The following PRICKLE2 variants were observed in gnomAD, a reference collection of about 807,000 sequenced individuals.
PRICKLE2 encodes the protein prickle-like protein 2.
Under a neutral mutation model 81.4 loss-of-function variants are expected in PRICKLE2, and 21 were observed. That is an observed-to-expected ratio of 0.26 (90% CI 0.18 to 0.37). PRICKLE2 has a LOEUF of 0.37. Ranked by LOEUF, PRICKLE2 falls within the 10% of genes least tolerant of loss-of-function variation. PRICKLE2 has a pLI of 1.00. For missense variants in PRICKLE2, 940 were observed against 1,109.0 expected, an observed-to-expected ratio of 0.85 and a Z score of 2.16; for synonymous variants, 456 against 421.5, an observed-to-expected ratio of 1.08 and a Z score of -1.00.
intron 7 of PRICKLE2, among the ~76,000 whole-genome samples, chr3:64,114,057 A>G (rs2076894427): frequency 6.6e-6 from 1 of 152,184 alleles, no homozygotes; most frequent in South Asian, 2.1e-4. Flanking sequence ...CTGGGGCCCA[A>G]TACAAGTCCC....
chr3:64,215,679 C>T (rs776123852), intron 1 of PRICKLE2, among the ~76,000 whole-genome samples: 1 of 152,030 alleles, frequency 6.6e-6, no homozygotes, highest in Non-Finnish European at 1.5e-5. Flanking sequence ...AACTACATGA[C>T]GAGTAGTGTT....
At chr3:64,177,125 C>T (rs1255444337) in intron 2 of PRICKLE2, among the ~76,000 whole-genome samples, 18 of 70,842 alleles carry the variant, frequency 2.5e-4, no homozygotes, top group Admixed American at 8.2e-4. Flanking sequence ...CCATTTTAAC[C>T]TTTTTTTTTT....
intron 2 of PRICKLE2, among the ~76,000 whole-genome samples, chr3:64,242,188 G>A (rs923398832): frequency 2.0e-5 from 3 of 151,942 alleles, no homozygotes; most frequent in Non-Finnish European, 4.4e-5. Context: ...CCACACTACC[G>A]CAAATAAATA....
At chr3:64,220,499 G>C (rs1440065684) in intron 1 of PRICKLE2, among the ~76,000 whole-genome samples, 1 of 152,116 alleles carries the variant, frequency 6.6e-6, no homozygotes, top group Admixed American at 6.5e-5. Context: ...TAAAGAAAGG[G>C]CTCCTGTGCT....
At chr3:64,242,897 A>G (rs1426717374) in intron 2 of PRICKLE2, among the ~76,000 whole-genome samples, 2 of 152,246 alleles carry the variant, frequency 1.3e-5, no homozygotes, top group East Asian at 1.9e-4. Context: ...CTGAAAGAAG[A>G]TAACTATTTA....
chr3:64,211,569 C>G (rs1481960763), intron 1 of PRICKLE2, among the ~76,000 whole-genome samples: 1 of 152,078 alleles, frequency 6.6e-6, no homozygotes, highest in Non-Finnish European at 1.5e-5. Context: ...GAGAGAGGAA[C>G]AGAGGGAGAG....
intron 2 of PRICKLE2, among the ~76,000 whole-genome samples, chr3:64,257,065 T>C (rs1416166582): frequency 6.6e-6 from 1 of 152,226 alleles, no homozygotes; most frequent in Non-Finnish European, 1.5e-5. Context: ...CAAAGTCACA[T>C]ACATGATATT....
chr3:64,169,918 A>T (rs902536119), intron 2 of PRICKLE2, among the ~76,000 whole-genome samples: 2 of 152,154 alleles, frequency 1.3e-5, no homozygotes, highest in African/African-American at 4.8e-5. Context: ...GGTGGTCTTT[A>T]AAAAAGTACA....
intron 7 of PRICKLE2, chr3:64,145,797 C>T (rs1309907913): frequency 6.6e-6 from 1 of 151,880 alleles, no homozygotes. Flanking sequence ...GTGAGTACTG[C>T]CATCAGCTCA....
intron 1 of PRICKLE2, among the ~76,000 whole-genome samples, chr3:64,206,733 A>G (rs1041867995): frequency 9.9e-5 from 15 of 152,226 alleles, no homozygotes; most frequent in Non-Finnish European, 2.2e-4. Flanking sequence ...AATGCACAAC[A>G]TAGGATTCAA....
At chr3:64,165,955 G>T in intron 2 of PRICKLE2, among the ~76,000 whole-genome samples, 1 of 147,894 alleles carries the variant, frequency 6.8e-6, no homozygotes, top group South Asian at 2.2e-4. Context: ...ATGGCAAACT[G>T]TTATAAAGGT....
chr3:64,133,366 AGC>A (rs2077226414), intron 7 of PRICKLE2, among the ~76,000 whole-genome samples: 1 of 152,076 alleles, frequency 6.6e-6, no homozygotes, highest in Non-Finnish European at 1.5e-5. Flanking sequence ...CTGGAAGAGG[AGC>A]CAGAGCTGGA....
chr3:64,165,100 T>C (rs1326149052), intron 2 of PRICKLE2, among the ~76,000 whole-genome samples: 2 of 152,198 alleles, frequency 1.3e-5, no homozygotes, highest in African/African-American at 4.8e-5. Flanking sequence ...ATGAGATGAA[T>C]TACTATGGAT....
At chr3:64,109,077 G>A (rs568506634) in intron 7 of PRICKLE2, among the ~76,000 whole-genome samples, 1 of 152,224 alleles carries the variant, frequency 6.6e-6, no homozygotes, top group Admixed American at 6.5e-5. Context: ...CCCAAGGGGA[G>A]CTCTGTTCCT....
chr3:64,260,057 G>T (rs527673889), intron 2 of PRICKLE2, among the ~76,000 whole-genome samples: 1 of 152,250 alleles, frequency 6.6e-6, no homozygotes, highest in Admixed American at 6.5e-5. Flanking sequence ...ACCAGGTTTG[G>T]AAAACAATGT....
rs755732268 is a variant in PRICKLE2 at position 64,147,389 on chromosome 3, G to A, written c.1101C>T (p.Ala367=). 9.9e-6 allele frequency: 16 copies of A among 1,614,104 alleles called. No individual in the cohort carries two copies. The highest frequency in any genetic ancestry group is 3.3e-5 in the Admixed American group (2 of 60,014). The change falls in exon 7 of 8, where the codon GCC becomes GCT. Residue 367 remains alanine (A), a synonymous_variant. Coordinates refer to ENST00000638394, the MANE Select transcript of PRICKLE2 (RefSeq NM_198859.4). This position sits in a 1 kb window ranked among gnomAD's most constrained non-coding sequence, Gnocchi z 5.0. ...TCTGCAGTGACAGGGGGTCTACGTC[G>A]GCTGACAGCCGGTTAGAACTCACTT... ...QLQVSSNRLS[A]DVDPLSLQMD...
At chr3:64,154,162 G>GT (rs1482817890) in intron 5 of PRICKLE2, 13 of 152,324 alleles carry the variant, frequency 8.5e-5, no homozygotes, top group African/African-American at 2.6e-4. Flanking sequence ...GAAAAGAATA[G>GT]TTTTCTCAAC....
At chr3:64,159,179 C>T (rs376805717) in intron 4 of PRICKLE2, among the ~76,000 whole-genome samples, 1 of 152,174 alleles carries the variant, frequency 6.6e-6, no homozygotes, top group African/African-American at 2.4e-5. Flanking sequence ...AGGGAGAATG[C>T]CTCTTCACTC....
chr3:64,205,101 TA>T (rs3056514), intron 1 of PRICKLE2, among the ~76,000 whole-genome samples: 8,932 of 142,734 alleles, frequency 0.063, 311 homozygotes, highest in Non-Finnish European at 0.076. Context: ...AGGATTTCGT[TA>T]AAAAAAAAAA....
Sources: allele counts gnomAD v4.1 joint callset (sites outside exome capture counted in the v4.1 genomes callset), GRCh38; gene constraint gnomAD v4.1.1; non-coding constraint Gnocchi (gnomAD v3.1); transcripts MANE v1.5; gene names NCBI Gene and HGNC (gene_info 2026-07-23, HGNC 2026-07-21).